Variants in SCFD1 observed in about 807,000 individuals in gnomAD.
SCFD1 encodes the protein sec1 family domain containing 1, also known as sec1 family domain-containing protein 1.
In SCFD1, 37 loss-of-function variants were observed where a neutral mutation model predicts 103.2. The observed-to-expected ratio is 0.36, with a 90% CI of 0.28 to 0.47. SCFD1 has a LOEUF of 0.47. SCFD1 is among the 20% of genes least tolerant of loss of function. The pLI is 1.00. For synonymous variants in SCFD1, 264 were observed against 245.0 expected (o/e 1.08, Z -0.73); for missense variants, 639 against 761.2 (o/e 0.84, Z 1.89).
intron 15 of SCFD1, among the ~76,000 whole-genome samples, chr14:30,698,965 T>C (rs986165414): frequency 5.3e-5 from 8 of 152,168 alleles, no homozygotes; most frequent in Admixed American, 1.3e-4. Flanking sequence ...CAGATCTCAA[T>C]AGCACTTCAA....
chr14:30,662,270 G>T (rs888663723), intron 10 of SCFD1, among the ~76,000 whole-genome samples: 2 of 152,088 alleles, frequency 1.3e-5, no homozygotes, highest in African/African-American at 4.8e-5. Flanking sequence ...TTCTCCCTAG[G>T]TTTGTGTGCA....
intron 14 of SCFD1, chr14:30,683,655 G>T (rs559540581): frequency 8.8e-6 from 2 of 227,818 alleles, no homozygotes; most frequent in Non-Finnish European, 1.7e-5. Flanking sequence ...CAACTGGGGG[G>T]TATACTTTCC....
intron 21 of SCFD1, among the ~76,000 whole-genome samples, chr14:30,720,604 A>G (rs977349891): frequency 2.0e-5 from 3 of 152,128 alleles, no homozygotes; most frequent in African/African-American, 4.8e-5. Flanking sequence ...GCATGTACAC[A>G]CTATTTTTTT....
In SCFD1 at chr14:30,673,353, A is replaced by T. The variant is rs770557122; in HGVS notation, c.1086+6A>T. 7.0e-7 allele frequency: 1 copy of T among 1,438,126 alleles called. No homozygotes were observed. Among genetic ancestry groups the T allele is most frequent in the South Asian group, 1.2e-5 (1 of 82,712 alleles). 89.1% of individuals were successfully genotyped at this position (1,438,126 alleles called of 1,614,324 possible). A position where few individuals can be genotyped will look rare whatever the true frequency, so the allele number is the denominator to read the frequency against. On this transcript the variant is annotated splice_donor_region_variant and intron_variant, in intron 12 of 24. Coordinates refer to ENST00000458591, the MANE Select transcript of SCFD1 (RefSeq NM_016106.4). ...AACGACTTAAAAGCATTATGGTAAG[A>T]TTCTATTTGCTTTCTAAGAATTATA... is the stretch of plus-strand genomic sequence containing the variant.
chr14:30,627,745 GAAAAAA>G (rs11312585), intron 1 of SCFD1, among the ~76,000 whole-genome samples: 1 of 79,474 alleles, frequency 1.3e-5, no homozygotes, highest in African/African-American at 4.7e-5. Flanking sequence ...CTCTGTCTCA[GAAAAAA>G]AAAAAAAAAA....
chr14:30,693,598 C>T (rs1304695851), intron 14 of SCFD1, among the ~76,000 whole-genome samples: 2 of 152,144 alleles, frequency 1.3e-5, no homozygotes, highest in African/African-American at 2.4e-5. Context: ...ATCTATGTCC[C>T]TAAATCACTT....
At chr14:30,715,028 G>C (rs957633635) in intron 19 of SCFD1, among the ~76,000 whole-genome samples, 2 of 152,116 alleles carry the variant, frequency 1.3e-5, no homozygotes, top group African/African-American at 4.8e-5. Flanking sequence ...TGTACATTTC[G>C]TGTTCAAAGT....
chr14:30,674,042 ATTTT>A, intron 13 of SCFD1, 45 bp downstream of exon 13: 1 of 1,348,628 alleles, frequency 7.4e-7, no homozygotes, highest in Non-Finnish European at 1.0e-6. Context: ...TGTTGATAGG[ATTTT>A]TTTTTTATTT....
chr14:30,683,972 A>G (rs776556642), intron 14 of SCFD1, among the ~76,000 whole-genome samples: 6 of 152,206 alleles, frequency 3.9e-5, no homozygotes, highest in Non-Finnish European at 7.3e-5. Flanking sequence ...GAGGTAAGAA[A>G]TGGGAATTAT....
At chr14:30,637,955 A>G (rs1215085904) in intron 4 of SCFD1, among the ~76,000 whole-genome samples, 170 bp from the exon 5 acceptor site, 1 of 152,188 alleles carries the variant, frequency 6.6e-6, no homozygotes, top group African/African-American at 2.4e-5. Flanking sequence ...GTTACATCTG[A>G]TAACCAGATA....
At chr14:30,649,033 G>C (rs897052484) in intron 7 of SCFD1, among the ~76,000 whole-genome samples, 1 of 150,856 alleles carries the variant, frequency 6.6e-6, no homozygotes, top group Non-Finnish European at 1.5e-5. Flanking sequence ...TACTGATTTA[G>C]TCAATCCTTT....
chr14:30,694,930 A>G (rs1480892878), intron 15 of SCFD1, 61 bp downstream of exon 15: 6 of 1,543,684 alleles, frequency 3.9e-6, no homozygotes, highest in South Asian at 1.3e-5. Flanking sequence ...AGCATTTTCA[A>G]TTGAGTAAAC....
chr14:30,720,745 G>A (rs1892598929), intron 21 of SCFD1, among the ~76,000 whole-genome samples: 1 of 152,164 alleles, frequency 6.6e-6, no homozygotes, highest in Non-Finnish European at 1.5e-5. Flanking sequence ...ATAGGAAGAT[G>A]TGAGTAGGTT....
Position 30,707,953 on chromosome 14 carries a change from G to T in SCFD1, c.1554-37G>T, listed in dbSNP as rs774171683. 5 of 1,395,440 alleles carry T rather than the reference G, an allele frequency of 3.6e-6. No individual in the cohort carries two copies. The Admixed American group carries it at 8.4e-5, about 23-fold the overall frequency. 86.4% of individuals were successfully genotyped at this position (1,395,440 alleles called of 1,614,324 possible). On this transcript the variant is annotated intron_variant, in intron 18 of 24. Coordinates refer to ENST00000458591, the MANE Select transcript of SCFD1 (RefSeq NM_016106.4). ...CGATAACAGATTGGAGAGGCACTTT[G>T]TACTTAGAATGGTCCTTCTCTTTTG...
rs1892670569 is a variant in SCFD1 at position 30,721,837 on chromosome 14, A to G, written c.1737-47A>G. 2.6e-6 allele frequency: 4 copies of G among 1,516,606 alleles called. No individual in the cohort carries two copies. The highest frequency in any genetic ancestry group is 2.8e-5 in the African/African-American group (2 of 72,484). The allele number at this position is 1,516,606 out of a possible 1,614,324, so 93.9% of individuals were successfully genotyped here. ...ATTTCCCATACCTATTTTATTCATA[A>G]TAAAAGCCATGGGTGAAATTTTCAT... On this transcript the variant is annotated intron_variant, in intron 21 of 24. Coordinates refer to ENST00000458591, the MANE Select transcript of SCFD1 (RefSeq NM_016106.4).
intron 19 of SCFD1, among the ~76,000 whole-genome samples, chr14:30,711,588 C>G (rs2139376875): frequency 6.6e-6 from 1 of 152,206 alleles, no homozygotes; most frequent in African/African-American, 2.4e-5. Context: ...TGTTTCATAA[C>G]AAATACATAC....
intron 23 of SCFD1, among the ~76,000 whole-genome samples, chr14:30,727,193 G>A (rs542512560): frequency 1.3e-5 from 2 of 152,266 alleles, no homozygotes; most frequent in East Asian, 1.9e-4. Flanking sequence ...ATAGGCATTA[G>A]AGCACATGTT....
chr14:30,676,618 A>G (rs1184896682), intron 14 of SCFD1: 2 of 152,342 alleles, frequency 1.3e-5, no homozygotes, highest in African/African-American at 4.8e-5. Flanking sequence ...CAAAGGCCCT[A>G]CGACAAACAA....
chr14:30,702,913 G>A (rs1282776179), intron 17 of SCFD1, among the ~76,000 whole-genome samples: 50 of 152,056 alleles, frequency 3.3e-4, no homozygotes, highest in Admixed American at 2.9e-3. Flanking sequence ...TTGTAATAAT[G>A]AAATTTTTAA....
Sources: allele counts gnomAD v4.1 joint callset (sites outside exome capture counted in the v4.1 genomes callset), GRCh38; gene constraint gnomAD v4.1.1; transcripts MANE v1.5; gene names NCBI Gene and HGNC (gene_info 2026-07-23, HGNC 2026-07-21).